The following SRPK2 variants were observed in gnomAD, a reference collection of about 807,000 sequenced individuals.
SRPK2 encodes SRSF protein kinase 2, also known as SFRS protein kinase 2.
Under a neutral mutation model 90.8 loss-of-function variants are expected in SRPK2, and 21 were observed. The observed-to-expected ratio is 0.23, with a 90% CI of 0.16 to 0.33. The LOEUF (loss-of-function observed/expected upper bound fraction) is 0.33. Among genes scored for constraint, SRPK2 ranks in the 10% least tolerant of loss-of-function variants. The probability of loss-of-function intolerance (pLI) is 1.00; values close to 1 mark genes in which losing one functional copy is unlikely to be tolerated. For missense variants in SRPK2, 620 were observed against 869.0 expected (o/e 0.71, Z 3.60); for synonymous variants, 288 against 311.1 (o/e 0.93, Z 0.78).
intron 2 of SRPK2, among the ~76,000 whole-genome samples, chr7:105,256,166 C>G (rs1433433693): frequency 1.3e-5 from 2 of 152,156 alleles, no homozygotes; most frequent in Admixed American, 1.3e-4. Flanking sequence ...TTAGTAATCA[C>G]AGTATTTAAA....
intron 2 of SRPK2, among the ~76,000 whole-genome samples, chr7:105,247,887 T>G (rs1801925007): frequency 6.6e-6 from 1 of 151,082 alleles, no homozygotes. Flanking sequence ...TTTTTTTTTT[T>G]GAGACAGAGT....
chr7:105,288,903 G>A (rs533622289), intron 2 of SRPK2, among the ~76,000 whole-genome samples: 1 of 152,074 alleles, frequency 6.6e-6, no homozygotes, highest in East Asian at 1.9e-4. Flanking sequence ...ACAATAAAGA[G>A]GTAAGTATAA....
At chr7:105,163,318 C>G (rs973569303) in intron 6 of SRPK2, among the ~76,000 whole-genome samples, 2 of 152,050 alleles carry the variant, frequency 1.3e-5, no homozygotes, top group Non-Finnish European at 2.9e-5. Flanking sequence ...TAACAAACAT[C>G]AAATTTATGA....
At chr7:105,247,506 A>G (rs985248298) in intron 2 of SRPK2, among the ~76,000 whole-genome samples, 3 of 143,904 alleles carry the variant, frequency 2.1e-5, no homozygotes, top group Non-Finnish European at 3.0e-5. Flanking sequence ...AGTGCCATAC[A>G]TACCAAAAAA....
intron 15 of SRPK2, among the ~76,000 whole-genome samples, chr7:105,119,937 A>T (rs201453359): frequency 1.3e-5 from 2 of 152,372 alleles, no homozygotes; most frequent in East Asian, 3.9e-4. Flanking sequence ...ACATGGGAGA[A>T]GATCATGGTA....
At chr7:105,227,261 C>G (rs1306780855) in intron 2 of SRPK2, among the ~76,000 whole-genome samples, 1 of 152,172 alleles carries the variant, frequency 6.6e-6, no homozygotes, top group Non-Finnish European at 1.5e-5. Flanking sequence ...TAGTGGTGAT[C>G]TGTGAGATCC....
At chr7:105,283,441 AAAAG>A (rs1486770272) in intron 2 of SRPK2, among the ~76,000 whole-genome samples, 45 of 152,344 alleles carry the variant, frequency 3.0e-4, no homozygotes, top group African/African-American at 1.1e-3. Flanking sequence ...ATACATATGT[AAAAG>A]AAAGAGTACT....
intron 2 of SRPK2, among the ~76,000 whole-genome samples, chr7:105,370,823 C>T (rs1819612327): frequency 1.3e-5 from 2 of 151,786 alleles, no homozygotes; most frequent in Non-Finnish European, 2.9e-5. Flanking sequence ...ACCATGTTGC[C>T]CAGGCTGGTC....
intron 3 of SRPK2, among the ~76,000 whole-genome samples, chr7:105,185,111 T>C (rs909856954): frequency 1.3e-5 from 2 of 152,044 alleles, no homozygotes; most frequent in Non-Finnish European, 2.9e-5. Flanking sequence ...ATGTTTCAGA[T>C]AAATAAATGT....
chr7:105,224,419 G>A (rs997621486), intron 2 of SRPK2, among the ~76,000 whole-genome samples: 1 of 152,028 alleles, frequency 6.6e-6, no homozygotes, highest in African/African-American at 2.4e-5. Context: ...AGACTAGCCT[G>A]GCTAACATGG....
chr7:105,219,127 G>A (rs1233814403), intron 2 of SRPK2, among the ~76,000 whole-genome samples: 3 of 152,204 alleles, frequency 2.0e-5, no homozygotes, highest in Middle Eastern at 3.4e-3. Flanking sequence ...ACATAGCTTC[G>A]TTGGATGGAG....
chr7:105,322,182 A>G (rs1299259417), intron 2 of SRPK2, among the ~76,000 whole-genome samples: 1 of 152,224 alleles, frequency 6.6e-6, no homozygotes, highest in Non-Finnish European at 1.5e-5. Flanking sequence ...TGGGAGGCCG[A>G]GGCGGACAGA....
chr7:105,217,165 C>T (rs999337739), intron 2 of SRPK2, among the ~76,000 whole-genome samples: 1 of 152,176 alleles, frequency 6.6e-6, no homozygotes, highest in Non-Finnish European at 1.5e-5. Context: ...AGGTCAACAT[C>T]GATCCCACCA....
intron 2 of SRPK2, among the ~76,000 whole-genome samples, chr7:105,274,662 C>T (rs1337235572): frequency 1.3e-5 from 2 of 150,062 alleles, no homozygotes; most frequent in Non-Finnish European, 3.0e-5. Context: ...AAAACTGAAA[C>T]TCACCAAATC....
At chr7:105,149,642 G>A (rs1429152320) in intron 7 of SRPK2, among the ~76,000 whole-genome samples, 1 of 152,166 alleles carries the variant, frequency 6.6e-6, no homozygotes, top group African/African-American at 2.4e-5. Context: ...ACCCACAGGT[G>A]TGGAGGGGCA....
chr7:105,252,871 G>A (rs1802674691), intron 2 of SRPK2, among the ~76,000 whole-genome samples: 1 of 151,072 alleles, frequency 6.6e-6, no homozygotes, highest in Non-Finnish European at 1.5e-5. Flanking sequence ...AGCCTCCCGA[G>A]AAAGTGGGAC....
intron 2 of SRPK2, among the ~76,000 whole-genome samples, chr7:105,207,150 A>T (rs1268147224): frequency 6.6e-6 from 1 of 152,186 alleles, no homozygotes; most frequent in Non-Finnish European, 1.5e-5. Flanking sequence ...TTTTATTTTC[A>T]TTTTGAGACA....
chr7:105,204,121 G>A (rs375646681), intron 2 of SRPK2, among the ~76,000 whole-genome samples: 3 of 152,290 alleles, frequency 2.0e-5, no homozygotes, highest in South Asian at 2.1e-4. Context: ...AAATGAAAGC[G>A]TATTCCATGG....
chr7:105,174,459 G>C (rs748734213), intron 3 of SRPK2, among the ~76,000 whole-genome samples: 1 of 152,014 alleles, frequency 6.6e-6, no homozygotes, highest in Non-Finnish European at 1.5e-5. Flanking sequence ...GAGTTCCGCT[G>C]AGAATGCTTT....
Sources: allele counts gnomAD v4.1 joint callset (sites outside exome capture counted in the v4.1 genomes callset), GRCh38; gene constraint gnomAD v4.1.1; transcripts MANE v1.5; gene names NCBI Gene and HGNC (gene_info 2026-07-23, HGNC 2026-07-21).